Variants in TSPEAR observed in about 807,000 individuals in gnomAD.
The protein encoded by TSPEAR is thrombospondin-type laminin G domain and EAR repeat-containing protein.
TSPEAR carries 69 observed loss-of-function variants against 71.6 expected under a neutral mutation model. That is an observed-to-expected ratio of 0.96 (90% CI 0.79 to 1.18). TSPEAR has a LOEUF of 1.18. TSPEAR is among the 50% of genes most tolerant of loss of function. TSPEAR has a pLI of 0.00. For missense variants in TSPEAR, 971 were observed against 894.9 expected, an observed-to-expected ratio of 1.09 and a Z score of -1.09; for synonymous variants, 402 against 387.2, an observed-to-expected ratio of 1.04 and a Z score of -0.45.
intron 1 of TSPEAR, among the ~76,000 whole-genome samples, chr21:44,696,679 T>A (rs1555950555): frequency 6.6e-6 from 1 of 152,136 alleles, no homozygotes; most frequent in African/African-American, 2.4e-5. Context: ...CAACTGAGTG[T>A]GAAGAAATTA....
At chr21:44,550,123 T>C (rs1453489038) in intron 2 of TSPEAR, among the ~76,000 whole-genome samples, 1 of 152,252 alleles carries the variant, frequency 6.6e-6, no homozygotes, top group Non-Finnish European at 1.5e-5. Context: ...TCATGTGGTG[T>C]CTGTGGGACT....
At chr21:44,693,967 A>C (rs1213644635) in intron 1 of TSPEAR, among the ~76,000 whole-genome samples, 1 of 152,262 alleles carries the variant, frequency 6.6e-6, no homozygotes, top group Non-Finnish European at 1.5e-5. Flanking sequence ...GAATGGATTC[A>C]CACTTCCCAA....
chr21:44,652,193 C>T (rs1285428123), intron 1 of TSPEAR, among the ~76,000 whole-genome samples: 1 of 152,162 alleles, frequency 6.6e-6, no homozygotes, highest in Non-Finnish European at 1.5e-5. Flanking sequence ...CTGTGTTAGC[C>T]AGGATGGTCT....
intron 1 of TSPEAR, among the ~76,000 whole-genome samples, chr21:44,578,507 G>A (rs1477560153): frequency 3.9e-5 from 6 of 152,144 alleles, no homozygotes; most frequent in African/African-American, 7.2e-5. Flanking sequence ...CCAGAAAACC[G>A]TGGGGTAGAC....
At chr21:44,521,666 G>A (rs965140334) in intron 9 of TSPEAR, among the ~76,000 whole-genome samples, 11 of 152,246 alleles carry the variant, frequency 7.2e-5, no homozygotes, top group Admixed American at 4.6e-4. Flanking sequence ...GTCCCTGGGC[G>A]CACAGAGGCT....
intron 1 of TSPEAR, among the ~76,000 whole-genome samples, chr21:44,596,267 C>G (rs935335027): frequency 3.9e-5 from 6 of 152,220 alleles, no homozygotes; most frequent in Admixed American, 2.0e-4. Flanking sequence ...GCCAGGGAGA[C>G]AGAGTCCTCC....
chr21:44,609,365 T>A, intron 1 of TSPEAR, among the ~76,000 whole-genome samples: 1 of 152,226 alleles, frequency 6.6e-6, no homozygotes, highest in South Asian at 2.1e-4. Flanking sequence ...CAAAAATATA[T>A]CTTCCTTGTA....
chr21:44,525,218 T>C (rs2052828749), intron 8 of TSPEAR, among the ~76,000 whole-genome samples: 1 of 152,014 alleles, frequency 6.6e-6, no homozygotes, highest in Non-Finnish European at 1.5e-5. Context: ...ATTCAGGTCG[T>C]CAATCAGTCA....
At chr21:44,582,171 C>T (rs1254059599) in intron 1 of TSPEAR, among the ~76,000 whole-genome samples, 6 of 152,178 alleles carry the variant, frequency 3.9e-5, no homozygotes, top group African/African-American at 9.7e-5. Flanking sequence ...CAGACATGCA[C>T]GGCGCAGGTG....
intron 1 of TSPEAR, chr21:44,702,443 C>T: frequency 2.5e-6 from 4 of 1,611,318 alleles, no homozygotes; most frequent in South Asian, 1.1e-5. Flanking sequence ...GCTTGCTGCA[C>T]CTCCTCCCCA....
rs114369364 is a variant in TSPEAR, at chr21:44,553,619, A to C, written c.303+14166T>G. Among the ~76,000 whole-genome samples, 525 of 152,350 alleles carry C rather than the reference A, an allele frequency of 3.4e-3. 2 individuals are homozygous for C. The highest frequency in any genetic ancestry group is 0.012 in the African/African-American group (505 of 41,592). On this transcript the variant is annotated intron_variant, in intron 2 of 11. Transcript: ENST00000323084. ...CTAGGGAGAAAAAAAAATAAGATCA[A>C]AGTAATAAAGAAATAATTGAGGATC...
At chr21:44,707,983 T>TC (rs1205244985) in intron 1 of TSPEAR, among the ~76,000 whole-genome samples, 1 of 93,944 alleles carries the variant, frequency 1.1e-5, no homozygotes, top group African/African-American at 4.5e-5. Context: ...GCCCCCCGAT[T>TC]CCCCCCCTCC....
Position 44,546,547 on chromosome 21 carries a change from C to T in TSPEAR, c.304-12624G>A, listed in dbSNP as rs587703532. Among the ~76,000 whole-genome samples the T allele has an allele frequency of 2.0e-5, 3 of 152,338 alleles. No individual in the cohort carries two copies. The highest frequency in any genetic ancestry group is 4.4e-5 in the Non-Finnish European group (3 of 68,024). On this transcript the variant is annotated intron_variant, in intron 2 of 11. Transcript: ENST00000323084. This position sits in a 1 kb window ranked among gnomAD's most constrained non-coding sequence, Gnocchi z 4.4. The stretch of plus-strand genomic sequence containing the variant: ...GTTTCACCATGTTAGCCAGGATGGT[C>T]TCAATCTCCTGACCTCGTGATCCAC...
At chr21:44,639,430 G>A (rs1001129237) in intron 1 of TSPEAR, among the ~76,000 whole-genome samples, 7 of 152,222 alleles carry the variant, frequency 4.6e-5, no homozygotes, top group African/African-American at 1.4e-4. Context: ...AGAGCTCCCT[G>A]TGGTCAGCAC....
intron 1 of TSPEAR, among the ~76,000 whole-genome samples, chr21:44,607,702 A>G (rs782527124): frequency 8.0e-4 from 122 of 152,180 alleles, no homozygotes; most frequent in Non-Finnish European, 1.8e-4. Context: ...TAGATGACCA[A>G]TACCGAGTGT....
intron 1 of TSPEAR, among the ~76,000 whole-genome samples, chr21:44,672,495 G>A (rs1485123964): frequency 6.6e-6 from 1 of 152,182 alleles, no homozygotes; most frequent in African/African-American, 2.4e-5. Context: ...GCGTGAACCT[G>A]GGAGGCGGAG....
chr21:44,619,061 CTGAGCAAGCAGGAAGTGAA>C (rs1982285054), intron 1 of TSPEAR, among the ~76,000 whole-genome samples: 1 of 150,718 alleles, frequency 6.6e-6, no homozygotes, highest in African/African-American at 2.5e-5. Flanking sequence ...ACCTCAGGCT[CTGAGCAAGCAGGAAGTGAA>C]GGTGCAAGCA....
chr21:44,597,437 CT>C (rs56129761), intron 1 of TSPEAR, among the ~76,000 whole-genome samples: 301 of 119,060 alleles, frequency 2.5e-3, no homozygotes, highest in Middle Eastern at 4.2e-3. Flanking sequence ...TCTTTCTTTT[CT>C]TTTTTTTTTT....
chr21:44,549,001 C>T (rs1485332942), intron 2 of TSPEAR, among the ~76,000 whole-genome samples: 5 of 152,230 alleles, frequency 3.3e-5, no homozygotes, highest in Non-Finnish European at 7.3e-5. Context: ...TATCTTTGCG[C>T]AGAGAAGTGC....
Sources: gnomAD v4.1 joint callset for allele counts (sites outside exome capture counted in the v4.1 genomes callset) on GRCh38, gnomAD v4.1.1 for gene constraint, Gnocchi (gnomAD v3.1) non-coding constraint, MANE v1.5 for transcripts, NCBI Gene and HGNC (gene_info 2026-07-23, HGNC 2026-07-21) for gene names.